The following TMEM131 variants were observed in gnomAD, a reference collection of about 807,000 sequenced individuals.
TMEM131 encodes 2610524E03Rik.
Under a neutral mutation model 211.6 loss-of-function variants are expected in TMEM131, and 66 were observed. The ratio of observed to expected loss-of-function variants is 0.31; its 90% CI spans 0.26 to 0.38. TMEM131 has a LOEUF of 0.38. Among genes scored for constraint, TMEM131 ranks in the 10% least tolerant of loss-of-function variants. The probability of loss-of-function intolerance (pLI) is 1.00; values close to 1 mark genes in which losing one functional copy is unlikely to be tolerated. For missense variants in TMEM131, 2,036 were observed against 2,299.3 expected (o/e 0.89, Z 2.34); for synonymous variants, 844 against 841.3 (o/e 1.00, Z -0.06).
intron 7 of TMEM131, among the ~76,000 whole-genome samples, chr2:97,840,491 A>G (rs1039141507): frequency 9.9e-5 from 15 of 152,168 alleles, no homozygotes; most frequent in Non-Finnish European, 1.9e-4. Flanking sequence ...TTGGGAAGCT[A>G]AGGCAGGAGG....
At chr2:97,847,087 G>GGGGGC (rs1683484901) in intron 5 of TMEM131, among the ~76,000 whole-genome samples, 1 of 72,052 alleles carries the variant, frequency 1.4e-5, no homozygotes, top group Non-Finnish European at 3.3e-5. Flanking sequence ...GGGGGGGGGG[G>GGGGGC]CCGAGGCAGG....
At chr2:97,990,713 C>T (rs1179176325) in intron 1 of TMEM131, among the ~76,000 whole-genome samples, 1 of 152,214 alleles carries the variant, frequency 6.6e-6, no homozygotes, top group African/African-American at 2.4e-5. Context: ...CTATAGCAGA[C>T]TTCCTCATGA....
rs752955433 is a variant in TMEM131 at position 97,809,708 on chromosome 2, C to T, written c.2035G>A (p.Val679Ile). ...CTTACTGGAAAGGAAGGTGGAAGAA[C>T]CACGTGCTTAGGGAAGCAGGTCAGT... is the stretch of plus-strand genomic sequence containing the variant. ...GSLTCFPKHV[V>I]LPPSFPGKIV... is the part of the protein sequence containing the mutation. The change falls in exon 19 of 41, where the codon GTT becomes ATT. Residue 679 changes from valine (V) to isoleucine (I), a missense_variant. Physicochemically the swap from Val to Ile is conservative, Grantham distance 29 (BLOSUM62 3). This residue lies in a region of TMEM131 where 1,623 missense variants were observed against 1,805.9 expected (regional missense o/e 0.90). Coordinates refer to ENST00000186436, the MANE Select transcript of TMEM131 (RefSeq NM_015348.2). 9.3e-6 allele frequency: 15 copies of T among 1,610,754 alleles called. No individual in the cohort carries two copies. The highest frequency in any genetic ancestry group is 3.3e-4 in the Middle Eastern group (2 of 6,082).
At chr2:97,782,138 A>T (rs1559355587) in intron 31 of TMEM131, among the ~76,000 whole-genome samples, 1 of 152,296 alleles carries the variant, frequency 6.6e-6, no homozygotes, top group East Asian at 1.9e-4. Context: ...TCCCTTTGCC[A>T]CTGAGGTGGT....
Position 97,797,065 on chromosome 2 carries a change from T to C in TMEM131, c.2871-79A>G, listed in dbSNP as rs144813669. ...TTGATTTGCAATTTCTACTGTTATT[T>C]TACAGAGCACCACATAGAAATTAAA... On this transcript the variant is annotated intron_variant, in intron 26 of 40. Transcript: ENST00000186436. 720 of 1,409,470 alleles carry C rather than the reference T, an allele frequency of 5.1e-4. 6 individuals carry two copies. The East Asian group carries it at 9.1e-3, about 18-fold the overall frequency. 87.3% of individuals were successfully genotyped at this position (1,409,470 alleles called of 1,614,324 possible). A position where few individuals can be genotyped will look rare whatever the true frequency, so the allele number is the denominator to read the frequency against.
intron 31 of TMEM131, among the ~76,000 whole-genome samples, chr2:97,782,628 C>T (rs188157582): frequency 2.6e-5 from 4 of 152,100 alleles, no homozygotes; most frequent in Admixed American, 2.6e-4. Flanking sequence ...AAAAAACAGC[C>T]ACAGCAAAGA....
intron 1 of TMEM131, among the ~76,000 whole-genome samples, chr2:97,985,587 T>C (rs2104659896): frequency 6.6e-6 from 1 of 152,056 alleles, no homozygotes; most frequent in Admixed American, 6.6e-5. Context: ...GGAGAGGGGA[T>C]GACCTGCCAA....
intron 39 of TMEM131, 134 bp downstream of exon 39, chr2:97,759,518 C>A: frequency 8.1e-6 from 6 of 742,460 alleles, no homozygotes; most frequent in Non-Finnish European, 1.3e-5. Context: ...GGAGGGGACC[C>A]TTCCCAGGGA....
At chr2:97,973,964 T>G (rs1679414133) in intron 1 of TMEM131, among the ~76,000 whole-genome samples, 1 of 152,162 alleles carries the variant, frequency 6.6e-6, no homozygotes, top group South Asian at 2.1e-4. Flanking sequence ...AACGTAAAAT[T>G]TGCAATATCT....
chr2:97,803,135 A>G lies in TMEM131; in HGVS notation c.2403-345T>C, dbSNP rs374547485. Among the ~76,000 whole-genome samples the G allele has an allele frequency of 3.3e-5, 5 of 152,362 alleles. No individual in the cohort carries two copies. In the East Asian group the frequency reaches 5.8e-4, roughly 18 times the overall value. On this transcript the variant is annotated intron_variant, in intron 22 of 40. Transcript: ENST00000186436. ...AAGAAAAGCTGGCCTATAGTAGATA[A>G]CCTATTTAGAAAAGGCAGGCATATA... is the stretch of plus-strand genomic sequence containing the variant.
intron 7 of TMEM131, among the ~76,000 whole-genome samples, chr2:97,840,355 A>G (rs1179765080): frequency 6.6e-6 from 1 of 152,202 alleles, no homozygotes; most frequent in Non-Finnish European, 1.5e-5. Flanking sequence ...TGGCCACCAC[A>G]ATGAGGCAGC....
intron 1 of TMEM131, among the ~76,000 whole-genome samples, chr2:97,983,858 TA>T (rs1679910992): frequency 6.6e-6 from 1 of 152,222 alleles, no homozygotes; most frequent in Non-Finnish European, 1.5e-5. Context: ...TTAACTGCTG[TA>T]ATGATTGTCT....
At chr2:97,911,657 C>T in intron 2 of TMEM131, 1 of 985,186 alleles carries the variant, frequency 1.0e-6, no homozygotes, top group Non-Finnish European at 1.2e-6. Flanking sequence ...TAAGCAGATA[C>T]TCAATGCAAA....
At chr2:97,798,729 AT>A (rs1680887055) in intron 25 of TMEM131, among the ~76,000 whole-genome samples, 1 of 152,244 alleles carries the variant, frequency 6.6e-6, no homozygotes, top group South Asian at 2.1e-4. Context: ...AAAAAAATGT[AT>A]GCGTGCGTCA....
chr2:97,772,817 A>G (rs976322767), intron 32 of TMEM131, among the ~76,000 whole-genome samples: 14 of 152,220 alleles, frequency 9.2e-5, no homozygotes, highest in Non-Finnish European at 8.8e-5. Flanking sequence ...GAATCGCTTG[A>G]ACTGGGGAGG....
intron 39 of TMEM131, 70 bp downstream of exon 39, chr2:97,759,582 A>T: frequency 7.3e-7 from 1 of 1,362,628 alleles, no homozygotes; most frequent in Non-Finnish European, 1.0e-6. Context: ...TCCAGCACAC[A>T]AAACCACACC....
chr2:97,988,812 G>A (rs551639486), intron 1 of TMEM131, among the ~76,000 whole-genome samples: 31 of 152,318 alleles, frequency 2.0e-4, no homozygotes, highest in Admixed American at 6.5e-4. Flanking sequence ...CATTATTCAC[G>A]GGATTCTGAG....
intron 1 of TMEM131, among the ~76,000 whole-genome samples, chr2:97,989,277 C>CAAAAAAAAAAAAAA (rs768850056): frequency 9.6e-6 from 1 of 103,846 alleles, no homozygotes; most frequent in African/African-American, 3.3e-5. Context: ...AAAAACAAAA[C>CAAAAAAAAAAAAAA]AAAAAAAAAA....
chr2:97,783,632 C>T (rs1360447909), intron 31 of TMEM131, among the ~76,000 whole-genome samples: 1 of 151,634 alleles, frequency 6.6e-6, no homozygotes, highest in Non-Finnish European at 1.5e-5. Context: ...AAAAGAGATA[C>T]ACTAAAAAAT....
Sources: gnomAD v4.1 joint callset for allele counts (sites outside exome capture counted in the v4.1 genomes callset) on GRCh38, gnomAD v4.1.1 for gene constraint, gnomAD v4.1.1 regional missense constraint, MANE v1.5 for transcripts, NCBI Gene and HGNC (gene_info 2026-07-23, HGNC 2026-07-21) for gene names.